Variants in DGKZ observed in about 807,000 individuals in gnomAD.
DGKZ encodes diacylglycerol kinase zeta.
In DGKZ, 45 loss-of-function variants were observed where a neutral mutation model predicts 142.5. The observed-to-expected ratio is 0.32, with a 90% CI of 0.25 to 0.40. The LOEUF is 0.40. DGKZ is among the 10% of genes least tolerant of loss of function. DGKZ has a pLI of 1.00. For synonymous variants in DGKZ, 442 were observed against 527.0 expected, an observed-to-expected ratio of 0.84 and a Z score of 2.21; for missense variants, 755 against 1,306.5, an observed-to-expected ratio of 0.58 and a Z score of 6.51.
chr11:46,366,084 C>T, intron 1 of DGKZ: 1 of 985,404 alleles, frequency 1.0e-6, no homozygotes, highest in Non-Finnish European at 1.2e-6. Context: ...TGACCCCTCC[C>T]TCCCTCAGGG....
At chr11:46,369,494 A>G (rs781423874) in exon 5 of DGKZ, 1 of 1,614,088 alleles carries the variant, frequency 6.2e-7, no homozygotes, top group Non-Finnish European at 8.5e-7. Context: ...TGTTTCACAG[A>G]TAAATTTCCG....
intron 1 of DGKZ, among the ~76,000 whole-genome samples, chr11:46,356,801 T>C (rs1294633587): frequency 6.6e-6 from 1 of 152,146 alleles, no homozygotes; most frequent in Non-Finnish European, 1.5e-5. Flanking sequence ...AGTTTCCTCA[T>C]CTGCAATATG....
At chr11:46,358,960 T>C (rs1051844568) in intron 1 of DGKZ, among the ~76,000 whole-genome samples, 1 of 151,126 alleles carries the variant, frequency 6.6e-6, no homozygotes, top group African/African-American at 2.4e-5. Flanking sequence ...CTGGCCAACA[T>C]GGTGAAACCC....
At chr11:46,366,401 C>A (rs563216314) in intron 1 of DGKZ, 1 of 1,524,572 alleles carries the variant, frequency 6.6e-7, no homozygotes, top group South Asian at 1.2e-5. Flanking sequence ...ACTGGCACAG[C>A]GGCGCCGCTC....
chr11:46,358,971 C>T (rs1245609002), intron 1 of DGKZ, among the ~76,000 whole-genome samples: 1 of 151,426 alleles, frequency 6.6e-6, no homozygotes, highest in Non-Finnish European at 1.5e-5. Flanking sequence ...GGTGAAACCC[C>T]ATCTCTACTA....
rs1224618908 is a variant in DGKZ, at chr11:46,372,403, T to A, written c.928-25T>A. ...ACTTCGTCCCACCACTGCCTGACTG[T>A]CTCTTGGCTCCCCATCCCATCCAGG... is the stretch of plus-strand genomic sequence containing the variant. On this transcript the variant is annotated intron_variant, in intron 10 of 30. Coordinates refer to ENST00000527911, the Ensembl canonical transcript of DGKZ. The surrounding 1 kb of genome is among the most constrained non-coding windows in gnomAD (Gnocchi z 5.9). 1 of 1,612,904 alleles carries A rather than the reference T, an allele frequency of 6.2e-7. No individual in the cohort carries two copies. Among genetic ancestry groups the A allele is most frequent in the South Asian group, 1.1e-5 (1 of 91,064 alleles).
intron 1 of DGKZ, chr11:46,366,157 G>A: frequency 7.1e-7 from 1 of 1,410,918 alleles, no homozygotes; most frequent in Non-Finnish European, 9.2e-7. Flanking sequence ...CCTTCTCATG[G>A]GGCAGAGGCT....
At position 46,364,589 on chromosome 11, in the gene DGKZ, G is replaced by C. The variant is rs866488734; in HGVS notation, c.162-2702G>C. ...CAAGAGCTGAGCTGTGCAGAACTCT[G>C]CTTCCCTAGGCACCTCCACCCTGTC... On this transcript the variant is annotated intron_variant, in intron 1 of 30. Coordinates refer to ENST00000527911, the Ensembl canonical transcript of DGKZ. 7 of 985,312 alleles carry C rather than the reference G, an allele frequency of 7.1e-6. No homozygotes were observed. The African/African-American group carries it at 1.0e-4, about 15-fold the overall frequency. 61.0% of individuals were successfully genotyped at this position (985,312 alleles called of 1,614,324 possible). A position where few individuals can be genotyped will look rare whatever the true frequency, so the allele number is the denominator to read the frequency against.
chr11:46,376,597 T>G (rs770321937), intron 24 of DGKZ, 33 bp downstream of exon 24: 33 of 1,612,548 alleles, frequency 2.0e-5, no homozygotes, highest in Middle Eastern at 1.6e-4. Context: ...CAGCCACAGC[T>G]GCTTCCGGGC....
At chr11:46,345,167 G>C, upstream of DGKZ, 1 of 895,258 alleles carries the variant, frequency 1.1e-6, no homozygotes, top group Non-Finnish European at 1.5e-6. The surrounding 1 kb of genome is among the most constrained non-coding windows in gnomAD (Gnocchi z 4.1). Flanking sequence ...AGGAGCCCAG[G>C]TGCAGATTCC....
Position 46,367,825 on chromosome 11 carries a change from C to G in DGKZ, c.366+78C>G, listed in dbSNP as rs748640534. Reference sequence around the variant, plus strand: ...GCCCTTCCGGGAACGTGGGATTGAGCCCGCTCCCTGGCACCCCTGCTGTGG... The same window carrying G: ...GCCCTTCCGGGAACGTGGGATTGAGGCCGCTCCCTGGCACCCCTGCTGTGG... On this transcript the variant is annotated intron_variant, in intron 3 of 30. Transcript: ENST00000527911. The surrounding 1 kb of genome is among the most constrained non-coding windows in gnomAD (Gnocchi z 4.1). 3 of 1,579,776 alleles carry G rather than the reference C, an allele frequency of 1.9e-6. No individual in the cohort carries two copies. The African/African-American group carries it at 4.0e-5, about 21-fold the overall frequency.
Position 46,372,794 on chromosome 11 carries a change from G to A in DGKZ, c.1095G>A (p.Leu365=), listed in dbSNP as rs767724757. 18 of 1,605,336 alleles carry A rather than the reference G, an allele frequency of 1.1e-5. No homozygotes were observed. The highest frequency in any genetic ancestry group is 1.5e-5 in the Non-Finnish European group (18 of 1,176,298). Residue 365 remains leucine (L), a synonymous_variant, in exon 13 of 31, where the codon CTG becomes CTA. Coordinates refer to ENST00000527911, the Ensembl canonical transcript of DGKZ. This position sits in a 1 kb window ranked among gnomAD's most constrained non-coding sequence, Gnocchi z 5.9. ...AGGTGGGCTGGATCCTCTCCACCCT[G>A]GACCAGCTACGCCTGAAGCCGCCAC...
chr11:46,351,447 A>G (rs1471057658), intron 1 of DGKZ, among the ~76,000 whole-genome samples: 1 of 152,224 alleles, frequency 6.6e-6, no homozygotes, highest in Non-Finnish European at 1.5e-5. Flanking sequence ...CCCAGCGAGC[A>G]TGGCCCTGAA....
chr11:46,348,586 C>T (rs1285805018), intron 1 of DGKZ, among the ~76,000 whole-genome samples: 1 of 152,198 alleles, frequency 6.6e-6, no homozygotes, highest in Non-Finnish European at 1.5e-5. Flanking sequence ...ATCTTGCCCC[C>T]TCCCCCAGCA....
chr11:46,333,506 G>A (rs1319270487), intron 1 of DGKZ: 27 of 1,541,280 alleles, frequency 1.8e-5, no homozygotes, highest in Non-Finnish European at 2.3e-5. Flanking sequence ...GACGTGGGCA[G>A]AGGGGAGCGC....
chr11:46,334,042 C>A (rs1019223161), intron 1 of DGKZ, among the ~76,000 whole-genome samples: 1 of 152,138 alleles, frequency 6.6e-6, no homozygotes, highest in African/African-American at 2.4e-5. Context: ...TCCCCACCCC[C>A]ACCCAACATC....
rs1487020078 is a variant in DGKZ, at chr11:46,376,509, C to T, written c.2162-15C>T. On this transcript the variant is annotated splice_polypyrimidine_tract_variant and intron_variant, in intron 23 of 30. Coordinates refer to ENST00000527911, the Ensembl canonical transcript of DGKZ. ...CATGGCACTCCCTGATCCTCAGCTG[C>T]CCTCTCTCCCACAGCCACCACTGCC... 6.2e-7 allele frequency: 1 copy of T among 1,613,600 alleles called. No individual in the cohort carries two copies. The highest frequency in any genetic ancestry group is 8.5e-7 in the Non-Finnish European group (1 of 1,179,990).
At chr11:46,350,676 T>TG (rs988856075) in intron 1 of DGKZ, among the ~76,000 whole-genome samples, 11 of 152,266 alleles carry the variant, frequency 7.2e-5, no homozygotes, top group African/African-American at 2.6e-4. Context: ...GCTGTGGGCT[T>TG]GGCAGGGGGT....
intron 1 of DGKZ, among the ~76,000 whole-genome samples, chr11:46,357,400 T>A (rs917232685): frequency 7.9e-5 from 12 of 151,970 alleles, no homozygotes; most frequent in African/African-American, 2.2e-4. Flanking sequence ...ACTCTTGGGG[T>A]CCTCTAGAGA....
Sources: gnomAD v4.1 joint callset for allele counts (sites outside exome capture counted in the v4.1 genomes callset) on GRCh38, gnomAD v4.1.1 for gene constraint, Gnocchi (gnomAD v3.1) non-coding constraint, MANE v1.5 for transcripts, NCBI Gene and HGNC (gene_info 2026-07-23, HGNC 2026-07-21) for gene names.